NSMCE2: variants seen among roughly 807,000 people sequenced by gnomAD.
NSMCE2 encodes NSE2 SUMO ligase component of SMC5/6 complex.
Under a neutral mutation model 23.8 loss-of-function variants are expected in NSMCE2, and 24 were observed. The observed-to-expected ratio is 1.01, with a 90% CI of 0.73 to 1.42. NSMCE2 has a LOEUF of 1.42. Among genes scored for constraint, NSMCE2 ranks in the 40% most tolerant of loss-of-function variants. The pLI, the probability that NSMCE2 is intolerant of heterozygous loss-of-function variation, is 0.00. For synonymous variants in NSMCE2, 92 were observed against 94.1 expected, an observed-to-expected ratio of 0.98 and a Z score of 0.13; for missense variants, 284 against 296.5, an observed-to-expected ratio of 0.96 and a Z score of 0.31.
intron 5 of NSMCE2, among the ~76,000 whole-genome samples, chr8:125,279,541 G>A (rs755375474): frequency 2.6e-5 from 4 of 152,114 alleles, no homozygotes; most frequent in Admixed American, 6.5e-5. Flanking sequence ...ACTTTGTGTC[G>A]GATATAATGT....
intron 4 of NSMCE2, among the ~76,000 whole-genome samples, chr8:125,170,424 G>T (rs1166599216): frequency 2.1e-5 from 2 of 94,488 alleles, no homozygotes; most frequent in African/African-American, 4.2e-5. Context: ...TTAAGACAGA[G>T]TCTCGCTCTC....
chr8:125,236,369 A>C (rs979698144), intron 5 of NSMCE2, among the ~76,000 whole-genome samples: 1 of 152,092 alleles, frequency 6.6e-6, no homozygotes, highest in Non-Finnish European at 1.5e-5. Flanking sequence ...GCAAAACTAT[A>C]TATATATATA....
At chr8:125,093,821 C>A (rs1458103616) in intron 1 of NSMCE2, among the ~76,000 whole-genome samples, 1 of 152,078 alleles carries the variant, frequency 6.6e-6, no homozygotes, top group Non-Finnish European at 1.5e-5. Context: ...TTGGTGACAG[C>A]GTCTCACTCT....
intron 3 of NSMCE2, among the ~76,000 whole-genome samples, chr8:125,121,643 T>G (rs1819266576): frequency 6.6e-6 from 1 of 152,212 alleles, no homozygotes; most frequent in African/African-American, 2.4e-5. Flanking sequence ...CCTGATTCTG[T>G]ATCCCATAGG....
At chr8:125,219,407 G>A (rs1824745981) in intron 5 of NSMCE2, among the ~76,000 whole-genome samples, 2 of 152,076 alleles carry the variant, frequency 1.3e-5, no homozygotes, top group East Asian at 1.9e-4. Context: ...ACAGTGCCTG[G>A]CAGTACTTTA....
chr8:125,363,914 T>G (rs186152462), intron 7 of NSMCE2, among the ~76,000 whole-genome samples: 4 of 152,310 alleles, frequency 2.6e-5, no homozygotes, highest in East Asian at 3.9e-4. Flanking sequence ...ACACATCATG[T>G]ACCTGAGTAT....
At chr8:125,107,569 AGAG>A (rs1818526701) in intron 3 of NSMCE2, among the ~76,000 whole-genome samples, 1 of 152,212 alleles carries the variant, frequency 6.6e-6, no homozygotes, top group Non-Finnish European at 1.5e-5. Context: ...ATGATCTATT[AGAG>A]TGCAACAGTT....
intron 4 of NSMCE2, among the ~76,000 whole-genome samples, chr8:125,161,274 AT>A (rs1821610817): frequency 6.6e-6 from 1 of 151,966 alleles, no homozygotes; most frequent in African/African-American, 2.4e-5. Flanking sequence ...AGCTTTAAGA[AT>A]TTTATTTTTT....
chr8:125,262,716 C>T (rs1826747827), intron 5 of NSMCE2, among the ~76,000 whole-genome samples: 2 of 152,170 alleles, frequency 1.3e-5, no homozygotes, highest in Admixed American at 6.5e-5. Flanking sequence ...TAAAAACTCA[C>T]TGGTAGGCTG....
At chr8:125,287,436 C>T (rs1827944689) in intron 5 of NSMCE2, among the ~76,000 whole-genome samples, 1 of 152,234 alleles carries the variant, frequency 6.6e-6, no homozygotes, top group African/African-American at 2.4e-5. Context: ...CTGTTCCTTT[C>T]CACAGATGCC....
chr8:125,345,389 A>G (rs1476099684), intron 5 of NSMCE2, among the ~76,000 whole-genome samples: 1 of 152,206 alleles, frequency 6.6e-6, no homozygotes, highest in East Asian at 1.9e-4. Context: ...CTTCAAAACA[A>G]TCCTCTTCAC....
At chr8:125,351,287 C>T (rs1229008191) in intron 5 of NSMCE2, 1 of 151,950 alleles carries the variant, frequency 6.6e-6, no homozygotes, top group African/African-American at 2.4e-5. Context: ...TATTTGTAGA[C>T]CTTTGGAAAT....
At chr8:125,334,397 A>T (rs551251605) in intron 5 of NSMCE2, among the ~76,000 whole-genome samples, 171 of 152,302 alleles carry the variant, frequency 1.1e-3, no homozygotes, top group African/African-American at 3.8e-3. Context: ...AAGGTTATTC[A>T]CACAGCAACA....
At chr8:125,098,030 T>G (rs984790783) in intron 1 of NSMCE2, among the ~76,000 whole-genome samples, 1 of 152,192 alleles carries the variant, frequency 6.6e-6, no homozygotes, top group Non-Finnish European at 1.5e-5. Flanking sequence ...ATTAAAGGAC[T>G]AGCAATGGCC....
At chr8:125,264,943 A>G (rs1399289987) in intron 5 of NSMCE2, among the ~76,000 whole-genome samples, 1 of 152,196 alleles carries the variant, frequency 6.6e-6, no homozygotes. Flanking sequence ...TACTATACAA[A>G]TGAGAAATCT....
At chr8:125,266,101 T>C (rs1826902268) in intron 5 of NSMCE2, among the ~76,000 whole-genome samples, 1 of 150,796 alleles carries the variant, frequency 6.6e-6, no homozygotes, top group Non-Finnish European at 1.5e-5. Flanking sequence ...TCTTTTTTTT[T>C]TTTTTTTTGA....
chr8:125,218,464 T>C (rs1257376898), intron 5 of NSMCE2, among the ~76,000 whole-genome samples: 4 of 149,970 alleles, frequency 2.7e-5, no homozygotes, highest in Non-Finnish European at 5.9e-5. Flanking sequence ...CAGACTGGAG[T>C]GCAGTGGCAC....
chr8:125,122,412 C>T (rs1311895142), intron 3 of NSMCE2, among the ~76,000 whole-genome samples: 1 of 152,126 alleles, frequency 6.6e-6, no homozygotes, highest in Non-Finnish European at 1.5e-5. Context: ...ATTTTAAACC[C>T]TTGAGCATAA....
chr8:125,352,390 C>T (rs1363481715), intron 5 of NSMCE2, among the ~76,000 whole-genome samples: 2 of 151,216 alleles, frequency 1.3e-5, no homozygotes, highest in Non-Finnish European at 2.9e-5. Context: ...GCAGGAGAAT[C>T]GCTTGAACCC....
Sources: gnomAD v4.1 joint callset for allele counts (sites outside exome capture counted in the v4.1 genomes callset) on GRCh38, gnomAD v4.1.1 for gene constraint, MANE v1.5 for transcripts, NCBI Gene and HGNC (gene_info 2026-07-23, HGNC 2026-07-21) for gene names.